PEX1: variants seen among roughly 807,000 people sequenced by gnomAD.
The protein encoded by PEX1 is peroxisomal ATPase PEX1.
PEX1 carries 97 observed loss-of-function variants against 152.5 expected under a neutral mutation model. The ratio of observed to expected loss-of-function variants is 0.64; its 90% CI spans 0.54 to 0.75. PEX1 has a LOEUF of 0.75. Ranked by LOEUF, PEX1 falls within the 30% of genes least tolerant of loss-of-function variation. The probability of loss-of-function intolerance (pLI) is 0.00; values close to 1 mark genes in which losing one functional copy is unlikely to be tolerated. For synonymous variants in PEX1, 485 were observed against 531.6 expected (o/e 0.91, Z 1.21); for missense variants, 1,357 against 1,516.3 (o/e 0.89, Z 1.74).
chr7:92,511,630 A>C lies in PEX1; in HGVS notation c.1433T>G (p.Leu478Arg). 6.2e-7 allele frequency: 1 copy of C among 1,611,988 alleles called. No individual in the cohort carries two copies. Among genetic ancestry groups the C allele is most frequent in the Non-Finnish European group, 8.5e-7 (1 of 1,178,342 alleles). The change falls in exon 7 of 24, where the codon CTT (leucine) becomes CGT (arginine). Residue 478 changes from leucine (L) to arginine (R), a missense_variant. By Grantham distance (102) the Leu-to-Arg change is moderately radical (BLOSUM62 -2). Coordinates refer to ENST00000248633, the MANE Select transcript of PEX1 (RefSeq NM_000466.3). ...TTCTTCCTCTGATATTACCAAAGGA[A>C]GCATGGTGGTAGTAGACTGCTGTAG... ...SWLQQSTTTMLPLVISEEEFI... is the reference protein window; with the variant it reads ...SWLQQSTTTMRPLVISEEEFI...
chr7:92,515,630 C>CA (rs1792701466), intron 5 of PEX1, among the ~76,000 whole-genome samples: 2 of 152,098 alleles, frequency 1.3e-5, no homozygotes, highest in South Asian at 4.1e-4. Context: ...ATCATAAGCT[C>CA]AGTGTTAGAT....
At position 92,499,812 on chromosome 7, in the gene PEX1, G is replaced by T; in HGVS notation, c.2610C>A (p.Pro870=). 1 of 1,608,998 alleles carries T rather than the reference G, an allele frequency of 6.2e-7. No individual in the cohort carries two copies. Among genetic ancestry groups the T allele is most frequent in the East Asian group, 2.2e-5 (1 of 44,768 alleles). ...ACAGTATTCCTGTTCTTTGTCGTATGGGCAAGTTTGCAAATAATTCTGGAT... is the reference window on the plus strand; with the variant it reads ...ACAGTATTCCTGTTCTTTGTCGTATTGGCAAGTTTGCAAATAATTCTGGAT... The part of the protein sequence containing the change: ...AKYPELFANL[P]IRQRTGILLY... The change falls in exon 16 of 24, where the codon CCC becomes CCA. Residue 870 remains proline (P), a synonymous_variant. Transcript: ENST00000248633.
At chr7:92,493,531 C>T (rs917423794) in intron 19 of PEX1, 10 of 157,952 alleles carry the variant, frequency 6.3e-5, no homozygotes, top group Admixed American at 3.2e-4. Context: ...CCCAGCTACT[C>T]GGGAGGCTGA....
chr7:92,509,376 A>C lies in PEX1; in HGVS notation c.1623T>G (p.Ser541Arg). Residue 541 changes from serine to arginine, a missense_variant, in exon 9 of 24, where the codon AGT (serine) becomes AGG (arginine). Transcript: ENST00000248633. ...LLDPMVKEEN[S>R]EEIDFILPFL... ...AAGGAAGAATAAAGTCAATTTCCTCACTGTTTTCTTCTTTTACCATAGGAT... is the reference window on the plus strand; with the variant it reads ...AAGGAAGAATAAAGTCAATTTCCTCCCTGTTTTCTTCTTTTACCATAGGAT... 6.2e-7 allele frequency: 1 copy of C among 1,613,036 alleles called. No individual in the cohort carries two copies. The highest frequency in any genetic ancestry group is 1.3e-5 in the African/African-American group (1 of 75,032).
intron 2 of PEX1, among the ~76,000 whole-genome samples, chr7:92,521,523 C>T (rs1177045207): frequency 2.0e-5 from 3 of 151,948 alleles, no homozygotes; most frequent in African/African-American, 7.3e-5. Flanking sequence ...CAACCTCCAC[C>T]TCCCAGGTTC....
At chr7:92,512,314 G>A (rs1048653385) in intron 6 of PEX1, among the ~76,000 whole-genome samples, 13 of 152,072 alleles carry the variant, frequency 8.5e-5, no homozygotes, top group African/African-American at 1.9e-4. Flanking sequence ...GAGCCACCAC[G>A]TCTGGCCTAA....
At chr7:92,527,676 T>C (rs1793346461) in intron 1 of PEX1, among the ~76,000 whole-genome samples, 1 of 152,218 alleles carries the variant, frequency 6.6e-6, no homozygotes, top group African/African-American at 2.4e-5. Context: ...ATTATGAAAA[T>C]ATGGACGCTG....
At chr7:92,503,665 G>A (rs2116159185) in intron 12 of PEX1, among the ~76,000 whole-genome samples, 1 of 152,038 alleles carries the variant, frequency 6.6e-6, no homozygotes, top group East Asian at 1.9e-4. Context: ...CATTAATAAT[G>A]TACATCTGAG....
At position 92,504,754 on chromosome 7, in the gene PEX1, C is replaced by T. The variant is rs769221282; in HGVS notation, c.2049G>A (p.Val683=). The T allele has an allele frequency of 1.9e-6, 3 of 1,614,140 alleles. No homozygotes were observed. The highest frequency in any genetic ancestry group is 2.5e-6 in the Non-Finnish European group (3 of 1,180,010). Residue 683 remains valine, a synonymous_variant, in exon 12 of 24, where the codon GTG becomes GTA. Transcript: ENST00000248633. The part of the protein sequence containing the change: ...VPEHEHSPDA[V]QSQRLAHALN... ...TACCATGAGCAAGCCGCTGGCTCTG[C>T]ACCGCATCAGGACTGTGCTCATGTT...
At position 92,518,173 on chromosome 7, in the gene PEX1, A is replaced by G. The variant is rs750928084; in HGVS notation, c.440T>C (p.Val147Ala). Residue 147 changes from valine (V) to alanine (A), a missense_variant, in exon 4 of 24, where the codon GTT (valine) becomes GCT (alanine). Transcript: ENST00000248633. ...GATAAATATGTACGTTTGTTGATCA[A>G]CCCAAACAGGAAAAATGGCTTTTGG... is the stretch of plus-strand genomic sequence containing the variant. The part of the protein sequence containing the change: ...VFPKAIFPVW[V>A]DQQTYIFIQI... 1.2e-6 allele frequency: 2 copies of G among 1,613,452 alleles called. No homozygotes were observed. The highest frequency in any genetic ancestry group is 2.7e-5 in the African/African-American group (2 of 74,922).
In PEX1 at chr7:92,517,684, CTGCATATTTTTG is replaced by C. The variant is rs1792861580; in HGVS notation, c.819_830del (p.Phe273_Gln277delinsLeu). The stretch of plus-strand genomic sequence containing the variant: ...TATTGTCTAGAGGAACAACCTTTGA[CTGCATATTTTTG>C]AATGCATTGATTTCAGTTAAACCCC... On this transcript the variant is annotated inframe_deletion, in exon 5 of 24. Coordinates refer to ENST00000248633, the MANE Select transcript of PEX1 (RefSeq NM_000466.3). 6.2e-7 allele frequency: 1 copy of C among 1,613,704 alleles called. No individual in the cohort carries two copies.
At chr7:92,509,831 C>A (rs1585242252) in intron 8 of PEX1, among the ~76,000 whole-genome samples, 1 of 152,078 alleles carries the variant, frequency 6.6e-6, no homozygotes, top group East Asian at 1.9e-4. Context: ...ATGTCCTAAT[C>A]AAAAAATAAT....
chr7:92,527,422 G>A (rs558544809), intron 1 of PEX1, among the ~76,000 whole-genome samples: 331 of 152,284 alleles, frequency 2.2e-3, no homozygotes, highest in Non-Finnish European at 3.4e-3. Context: ...AAATAATAAC[G>A]ACGATGATAG....
Position 92,504,809 on chromosome 7 carries a change from T to G in PEX1, c.1994A>C (p.Asp665Ala). Reference sequence around the variant, plus strand: ...GACAGCAGGCAGTCCAGCAATGAGGTCAAGGTCATCCAGCAGGACAACAGA... The same window carrying G: ...GACAGCAGGCAGTCCAGCAATGAGGGCAAGGTCATCCAGCAGGACAACAGA... The part of the protein sequence containing the change: ...QPSVVLLDDL[D>A]LIAGLPAVPE... The change falls in exon 12 of 24, where the codon GAC (aspartate) becomes GCC (alanine). Residue 665 changes from aspartate to alanine, a missense_variant. Physicochemically the swap from Asp to Ala is moderately radical, Grantham distance 126. Coordinates refer to ENST00000248633, the MANE Select transcript of PEX1 (RefSeq NM_000466.3). The G allele has an allele frequency of 6.2e-7, 1 of 1,613,994 alleles. No individual in the cohort carries two copies. The highest frequency in any genetic ancestry group is 8.5e-7 in the Non-Finnish European group (1 of 1,179,952).
rs763624262 is a variant in PEX1, at chr7:92,509,337, G to A, written c.1662C>T (p.Ser554=). The A allele has an allele frequency of 3.7e-6, 6 of 1,610,362 alleles. No homozygotes were observed. Among genetic ancestry groups the A allele is most frequent in the Middle Eastern group, 3.3e-4 (2 of 6,076 alleles). Residue 554 remains serine, a synonymous_variant, in exon 9 of 24, where the codon AGC becomes AGT. Coordinates refer to ENST00000248633, the MANE Select transcript of PEX1 (RefSeq NM_000466.3). ...IDFILPFLKL[S]SLGGVNSLGV... is the part of the protein sequence containing the mutation. Reference sequence around the variant, plus strand: ...TGGCCATAACTTCTTACCCCAAAGAGCTCAGCTTTAAAAAAGGAAGAATAA... The same window carrying A: ...TGGCCATAACTTCTTACCCCAAAGAACTCAGCTTTAAAAAAGGAAGAATAA...
rs943129156 is a variant in PEX1 at position 92,487,258 on chromosome 7, A to T, written c.*199T>A. 3 of 366,790 alleles carry T rather than the reference A, an allele frequency of 8.2e-6. No individual in the cohort carries two copies. The highest frequency in any genetic ancestry group is 4.2e-5 in the African/African-American group (2 of 47,890). 22.7% of individuals were successfully genotyped at this position (366,790 alleles called of 1,614,324 possible). On this transcript the variant is annotated 3_prime_UTR_variant, in exon 24 of 24. Coordinates refer to ENST00000248633, the MANE Select transcript of PEX1 (RefSeq NM_000466.3). ...TAGGAAATAAAATATGGAATCTGTTATAATGTCCCAATTTATACTACAGTA... is the reference window on the plus strand; with the variant it reads ...TAGGAAATAAAATATGGAATCTGTTTTAATGTCCCAATTTATACTACAGTA...
intron 21 of PEX1, 174 bp downstream of exon 21, chr7:92,491,098 T>G (rs1791285166): frequency 1.7e-6 from 1 of 583,022 alleles, no homozygotes; most frequent in South Asian, 2.0e-5. Flanking sequence ...CTTGAAAATC[T>G]TAACAAGGAA....
At chr7:92,515,298 A>C (rs74336189) in intron 5 of PEX1, among the ~76,000 whole-genome samples, 3,869 of 149,928 alleles carry the variant, frequency 0.026, 202 homozygotes, top group African/African-American at 0.09. Flanking sequence ...AGAATTTAAC[A>C]ATCAAGTTTC....
At chr7:92,511,281 T>C (rs1033538440) in intron 7 of PEX1, among the ~76,000 whole-genome samples, 1 of 152,034 alleles carries the variant, frequency 6.6e-6, no homozygotes, top group Non-Finnish European at 1.5e-5. Context: ...TACACCACTA[T>C]GTCAGGCTAA....
Sources: gnomAD v4.1 joint callset for allele counts (sites outside exome capture counted in the v4.1 genomes callset) on GRCh38, gnomAD v4.1.1 for gene constraint, MANE v1.5 for transcripts, NCBI Gene and HGNC (gene_info 2026-07-23, HGNC 2026-07-21) for gene names.